Variants in CDH13 observed in about 807,000 individuals in gnomAD.
The protein encoded by CDH13 is cadherin 13.
Under a neutral mutation model 63.8 loss-of-function variants are expected in CDH13, and 24 were observed. That is an observed-to-expected ratio of 0.38 (90% CI 0.27 to 0.53). The LOEUF (loss-of-function observed/expected upper bound fraction) is 0.53, where lower values mean the gene tolerates loss of function less well. Ranked by LOEUF, CDH13 falls within the 20% of genes least tolerant of loss-of-function variation. CDH13 has a pLI of 0.85. For synonymous variants in CDH13, 503 were observed against 355.3 expected (o/e 1.42, Z -4.67); for missense variants, 1,049 against 903.1 (o/e 1.16, Z -2.07).
chr16:83,127,595 G>C (rs2035868489), intron 4 of CDH13, among the ~76,000 whole-genome samples: 1 of 151,888 alleles, frequency 6.6e-6, no homozygotes, highest in Non-Finnish European at 1.5e-5. Flanking sequence ...CCAGTGTCAT[G>C]GCACGCCTGT....
chr16:83,032,173 A>G lies in CDH13; in HGVS notation c.321A>G (p.Ala107=), dbSNP rs779566316. Residue 107 remains alanine, a synonymous_variant, in exon 3 of 14, where the codon GCA becomes GCG. Coordinates refer to ENST00000567109, the MANE Select transcript of CDH13 (RefSeq NM_001257.5). ...HARTPHAEDM[A]ELVIVGGKDI... ...GGACCCCCCATGCGGAAGATATGGC[A>G]GAACTCGTGATTGTCGGGGGGAAAG... is the stretch of plus-strand genomic sequence containing the variant. 1 of 1,613,744 alleles carries G rather than the reference A, an allele frequency of 6.2e-7. No individual in the cohort carries two copies. The highest frequency in any genetic ancestry group is 8.5e-7 in the Non-Finnish European group (1 of 1,179,746).
chr16:83,606,457 G>C (rs1427658281), intron 8 of CDH13, among the ~76,000 whole-genome samples: 1 of 152,114 alleles, frequency 6.6e-6, no homozygotes, highest in Non-Finnish European at 1.5e-5. Context: ...GGAAGTGAAG[G>C]CTGGGAGTGG....
intron 3 of CDH13, among the ~76,000 whole-genome samples, chr16:83,061,928 C>T (rs993703165): frequency 2.0e-5 from 3 of 152,158 alleles, no homozygotes; most frequent in Non-Finnish European, 4.4e-5. Flanking sequence ...GAGAGGCCCT[C>T]TAGAGAGGCT....
chr16:82,818,925 C>T (rs527773209), intron 1 of CDH13, among the ~76,000 whole-genome samples: 4 of 152,304 alleles, frequency 2.6e-5, no homozygotes, highest in African/African-American at 9.6e-5. Flanking sequence ...TTTTCAATGA[C>T]AGAACTTGCT....
At chr16:83,238,749 TTTG>T (rs1904287907) in intron 5 of CDH13, among the ~76,000 whole-genome samples, 1 of 151,886 alleles carries the variant, frequency 6.6e-6, no homozygotes, top group Non-Finnish European at 1.5e-5. Context: ...TTTTTGTTTG[TTTG>T]TTTGTTTGTT....
chr16:82,702,791 A>G (rs1236109499), intron 1 of CDH13, among the ~76,000 whole-genome samples: 2 of 151,916 alleles, frequency 1.3e-5, no homozygotes, highest in East Asian at 3.9e-4. Flanking sequence ...TCTGCCTGGA[A>G]CCCTGTGGCC....
intron 5 of CDH13, among the ~76,000 whole-genome samples, chr16:83,308,204 C>G (rs1263221953): frequency 1.3e-5 from 2 of 152,014 alleles, no homozygotes; most frequent in African/African-American, 4.8e-5. Flanking sequence ...TTTTATAATA[C>G]CATTACCGTC....
intron 8 of CDH13, among the ~76,000 whole-genome samples, chr16:83,608,623 C>G (rs1401886338): frequency 6.6e-6 from 1 of 151,056 alleles, no homozygotes; most frequent in Non-Finnish European, 1.5e-5. Flanking sequence ...GTAGCTGGGA[C>G]TTCAGGCATA....
chr16:82,674,252 G>A (rs1328059645), intron 1 of CDH13, among the ~76,000 whole-genome samples: 1 of 152,208 alleles, frequency 6.6e-6, no homozygotes, highest in Non-Finnish European at 1.5e-5. Context: ...TGGACTGGGA[G>A]GATTGATGAC....
At chr16:83,765,242 A>G (rs1325617094) in intron 11 of CDH13, among the ~76,000 whole-genome samples, 2 of 152,216 alleles carry the variant, frequency 1.3e-5, no homozygotes, top group East Asian at 3.9e-4. Context: ...GTAAATGGTT[A>G]TTGACTGAAT....
At chr16:83,109,822 C>G (rs998896949) in intron 3 of CDH13, among the ~76,000 whole-genome samples, 3 of 152,182 alleles carry the variant, frequency 2.0e-5, no homozygotes, top group East Asian at 3.8e-4. Context: ...ATTCTCATCA[C>G]CATCACATGT....
At chr16:82,829,843 T>G (rs2038446910) in intron 1 of CDH13, among the ~76,000 whole-genome samples, 1 of 152,232 alleles carries the variant, frequency 6.6e-6, no homozygotes, top group Admixed American at 6.5e-5. Flanking sequence ...TCTTAAAGAT[T>G]TGTTTTCTCT....
chr16:83,262,616 G>A (rs1308114883), intron 5 of CDH13, among the ~76,000 whole-genome samples: 1 of 152,126 alleles, frequency 6.6e-6, no homozygotes, highest in Admixed American at 6.5e-5. Context: ...CCTTGGAAAG[G>A]ACTGTCTGAA....
chr16:82,889,573 G>A (rs1159236690), intron 2 of CDH13, among the ~76,000 whole-genome samples: 1 of 152,166 alleles, frequency 6.6e-6, no homozygotes, highest in Non-Finnish European at 1.5e-5. Context: ...ATTTTTCCAT[G>A]TATCTGGTTT....
At chr16:83,657,913 C>A (rs1246112690) in intron 8 of CDH13, among the ~76,000 whole-genome samples, 1 of 151,174 alleles carries the variant, frequency 6.6e-6, no homozygotes, top group Non-Finnish European at 1.5e-5. Context: ...ATATCCTCAC[C>A]AGCAAGGTCC....
At chr16:83,566,834 G>A (rs1349161981) in intron 7 of CDH13, among the ~76,000 whole-genome samples, 1 of 152,132 alleles carries the variant, frequency 6.6e-6, no homozygotes, top group East Asian at 1.9e-4. Context: ...AGAGGGAACT[G>A]TCAGCTCCTA....
chr16:83,352,451 A>G lies in CDH13; in HGVS notation c.781+7445A>G, dbSNP rs376935975. ...GAATAGAACTACCATTTAATCCAGC[A>G]ATCCTGCTACTACTGGGCGTCTACA... is the stretch of plus-strand genomic sequence containing the variant. On this transcript the variant is annotated intron_variant, in intron 6 of 13. Coordinates refer to ENST00000567109, the MANE Select transcript of CDH13 (RefSeq NM_001257.5). Among the ~76,000 whole-genome samples the G allele has an allele frequency of 5.9e-5, 9 of 152,304 alleles. No homozygotes were observed. In the East Asian group the frequency reaches 1.7e-3, roughly 29 times the overall value.
chr16:83,305,325 C>G (rs1280882113), intron 5 of CDH13, among the ~76,000 whole-genome samples: 1 of 152,216 alleles, frequency 6.6e-6, no homozygotes, highest in East Asian at 1.9e-4. Context: ...ACATCTGTTT[C>G]TAGGCATCCA....
At chr16:83,741,514 GTA>G (rs386385265) in intron 10 of CDH13, among the ~76,000 whole-genome samples, 1 of 151,498 alleles carries the variant, frequency 6.6e-6, no homozygotes, top group Non-Finnish European at 1.5e-5. Context: ...GTGTGTGTGT[GTA>G]TATATATGTG....
Sources: allele counts gnomAD v4.1 joint callset (sites outside exome capture counted in the v4.1 genomes callset), GRCh38; gene constraint gnomAD v4.1.1; transcripts MANE v1.5; gene names NCBI Gene and HGNC (gene_info 2026-07-23, HGNC 2026-07-21).